Variants in TMPRSS6 observed in about 807,000 individuals in gnomAD.
The protein encoded by TMPRSS6 is transmembrane protease serine 6.
TMPRSS6 carries 67 observed loss-of-function variants against 101.5 expected under a neutral mutation model. The ratio of observed to expected loss-of-function variants is 0.66; its 90% CI spans 0.54 to 0.81. The LOEUF (loss-of-function observed/expected upper bound fraction) is 0.81. Ranked by LOEUF, TMPRSS6 falls within the 30% of genes least tolerant of loss-of-function variation. TMPRSS6 has a pLI of 0.00. For missense variants in TMPRSS6, 1,034 were observed against 1,088.7 expected, an observed-to-expected ratio of 0.95 and a Z score of 0.71; for synonymous variants, 453 against 464.9, an observed-to-expected ratio of 0.97 and a Z score of 0.33.
intron 3 of TMPRSS6, among the ~76,000 whole-genome samples, chr22:37,098,055 C>T (rs113290088): frequency 0.029 from 3,997 of 140,240 alleles, 16 homozygotes; most frequent in African/African-American, 0.073. Context: ...CGTCCTGTAA[C>T]GGAGGGGGAG....
chr22:37,078,633 C>T (rs17812082), intron 10 of TMPRSS6, among the ~76,000 whole-genome samples: 2,164 of 151,786 alleles, frequency 0.014, 24 homozygotes, highest in Middle Eastern at 0.031. Flanking sequence ...TTCATTGAGT[C>T]GCGAGCTAAT....
Position 37,103,262 on chromosome 22 carries a change from G to A in TMPRSS6, c.156C>T (p.Ala52=). 6.2e-7 allele frequency: 1 copy of A among 1,614,108 alleles called. No homozygotes were observed. Among genetic ancestry groups the A allele is most frequent in the Non-Finnish European group, 8.5e-7 (1 of 1,179,972 alleles). The change falls in exon 2 of 18, where the codon GCC becomes GCT. Residue 52 remains alanine, a synonymous_variant. Transcript: ENST00000676104. The surrounding 1 kb of genome is among the most constrained non-coding windows in gnomAD (Gnocchi z 4.4). ...CCCCCGCCGAAGCCAGCACGAGCAG[G>A]GCCAGCAGCACAAACAGGGGCACCA... ...LRLVPLFVLL[A]LLVLASAGVL... is the part of the protein sequence containing the mutation.
At chr22:37,099,241 G>A (rs1004566931) in intron 2 of TMPRSS6, among the ~76,000 whole-genome samples, 50 of 152,216 alleles carry the variant, frequency 3.3e-4, no homozygotes, top group African/African-American at 1.2e-3. Context: ...TCCAGCAGAG[G>A]GAGCAGCATG....
In TMPRSS6 at chr22:37,086,375, G is replaced by A. The variant is rs772270379; in HGVS notation, c.881C>T (p.Ala294Val). 8 of 1,610,146 alleles carry A rather than the reference G, an allele frequency of 5.0e-6. No individual in the cohort carries two copies. The highest frequency in any genetic ancestry group is 2.7e-5 in the African/African-American group (2 of 74,794). ...SRQEPVVEVL[A>V]SGAIMAVVWK... ...GACGACCGCCATGATGGCCCCCGAC[G>A]CCAGAACCTCCACCACGGGCTCCTG... Residue 294 changes from alanine to valine, a missense_variant, in exon 8 of 18, where the codon GCG (alanine) becomes GTG (valine). Ala to Val is a moderately conservative substitution (Grantham distance 64). Transcript: ENST00000676104.
chr22:37,076,062 A>AAAAAG (rs565956396), intron 10 of TMPRSS6, among the ~76,000 whole-genome samples: 2 of 152,094 alleles, frequency 1.3e-5, no homozygotes, highest in African/African-American at 4.8e-5. Context: ...GAGGGAAAGA[A>AAAAAG]AAAAGAAAAG....
At chr22:37,071,512 C>G (rs577822321) in intron 13 of TMPRSS6, among the ~76,000 whole-genome samples, 28 of 152,354 alleles carry the variant, frequency 1.8e-4, no homozygotes, top group African/African-American at 6.7e-4. Context: ...GGGCCAAACA[C>G]CTACCTCCTC....
chr22:37,071,968 T>TGATG (rs533682418), intron 13 of TMPRSS6, among the ~76,000 whole-genome samples: 39 of 145,232 alleles, frequency 2.7e-4, no homozygotes, highest in South Asian at 8.7e-4. Flanking sequence ...GATGGATGGA[T>TGATG]GATGGATGGA....
In TMPRSS6 at chr22:37,069,610, A is replaced by G. The variant is rs1389397095; in HGVS notation, c.1842-266T>C. 6.6e-6 allele frequency among the ~76,000 whole-genome samples: 1 copy of G among 152,192 alleles called. No individual in the cohort carries two copies. Among genetic ancestry groups the G allele is most frequent in the East Asian group, 1.9e-4 (1 of 5,196 alleles). On this transcript the variant is annotated intron_variant, in intron 15 of 17. Transcript: ENST00000676104. This position sits in a 1 kb window ranked among gnomAD's most constrained non-coding sequence, Gnocchi z 4.8. Reference sequence around the variant, plus strand: ...CTAAGCCTCTGCCACCTCATCTGCAAATGGGAATGGCATTTTCTACTCGAA... The same window carrying G: ...CTAAGCCTCTGCCACCTCATCTGCAGATGGGAATGGCATTTTCTACTCGAA...
chr22:37,103,460 T>G lies in TMPRSS6; in HGVS notation c.-1-42A>C. The G allele has an allele frequency of 8.1e-6, 13 of 1,614,204 alleles. No individual in the cohort carries two copies. Among genetic ancestry groups the G allele is most frequent in the Non-Finnish European group, 1.0e-5 (12 of 1,180,036 alleles). ...CCAAAGTTGGAAACAGCCTCGCATT[T>G]GCAAGGGAGCCTCTGCTGAGCACCG... On this transcript the variant is annotated intron_variant, in intron 1 of 17. Transcript: ENST00000676104. The surrounding 1 kb of genome is among the most constrained non-coding windows in gnomAD (Gnocchi z 4.4).
intron 13 of TMPRSS6, among the ~76,000 whole-genome samples, chr22:37,073,080 T>C (rs1056520178): frequency 2.3e-5 from 3 of 129,800 alleles, no homozygotes; most frequent in African/African-American, 9.0e-5. Context: ...GATGGATGGA[T>C]GGATAGACGG....
chr22:37,075,246 C>G lies in TMPRSS6; in HGVS notation c.1231G>C (p.Glu411Gln). Residue 411 changes from glutamate to glutamine, a missense_variant, in exon 11 of 18, where the codon GAG (glutamate) becomes CAG (glutamine). Glu to Gln is a conservative substitution (Grantham distance 29). Transcript: ENST00000676104. ...CGLRILQPYA[E>Q]RIPVVATAGI... The stretch of plus-strand genomic sequence containing the variant: ...GCCGTGGCCACCACGGGGATCCTCT[C>G]GGCGTAGGGCTGCAGGATGCGCAAG... The G allele has an allele frequency of 2.5e-6, 4 of 1,613,740 alleles. No individual in the cohort carries two copies. Among genetic ancestry groups the G allele is most frequent in the Non-Finnish European group, 3.4e-6 (4 of 1,180,034 alleles).
chr22:37,078,963 G>GA (rs1377929243), intron 10 of TMPRSS6, among the ~76,000 whole-genome samples: 1 of 92,402 alleles, frequency 1.1e-5, no homozygotes, highest in Non-Finnish European at 2.4e-5. Flanking sequence ...AAAAGAGAAA[G>GA]AAAGAAAGAA....
Position 37,084,251 on chromosome 22 carries a change from G to C in TMPRSS6, c.1196+44C>G, listed in dbSNP as rs140174851. The C allele has an allele frequency of 5.3e-3, 8,044 of 1,516,428 alleles. 32 individuals are homozygous for C. Among genetic ancestry groups the C allele is most frequent in the Non-Finnish European group, 5.4e-3 (5,963 of 1,100,182 alleles). 93.9% of individuals were successfully genotyped at this position (1,516,428 alleles called of 1,614,324 possible). ...ACTATTGAGGAGGGAAGAGAGGGAG[G>C]GGGAGGGAGGAAAGGAAGCCAGAGG... On this transcript the variant is annotated intron_variant, in intron 10 of 17. Coordinates refer to ENST00000676104, the MANE Select transcript of TMPRSS6 (RefSeq NM_001374504.1).
At chr22:37,087,313 C>A (rs1470733957) in intron 7 of TMPRSS6, among the ~76,000 whole-genome samples, 1 of 152,256 alleles carries the variant, frequency 6.6e-6, no homozygotes, top group Admixed American at 6.5e-5. Flanking sequence ...TCCCTGCCTG[C>A]AGACTGTGCG....
chr22:37,106,860 G>T (rs568984859), intron 1 of TMPRSS6, among the ~76,000 whole-genome samples: 1 of 152,306 alleles, frequency 6.6e-6, no homozygotes, highest in Non-Finnish European at 1.5e-5. Flanking sequence ...GGACTGTGGG[G>T]AACTCTTACC....
intron 3 of TMPRSS6, 131 bp downstream of exon 3, chr22:37,098,285 T>C (rs1021831888): frequency 2.9e-6 from 4 of 1,357,724 alleles, no homozygotes; most frequent in African/African-American, 2.9e-5. Flanking sequence ...GCTTCCATGG[T>C]GCCTGGAGCA....
rs139208111 is a variant in TMPRSS6 at position 37,077,683 on chromosome 22, C to A, written c.1197-2403G>T. ...ATGTAAAATGACAGCACTCTTGTCACTAAATGTTTTTACTTTTGGAGGATG... is the reference window on the plus strand; with the variant it reads ...ATGTAAAATGACAGCACTCTTGTCAATAAATGTTTTTACTTTTGGAGGATG... On this transcript the variant is annotated intron_variant, in intron 10 of 17. Transcript: ENST00000676104. Among the ~76,000 whole-genome samples, 235 of 152,266 alleles carry A rather than the reference C, an allele frequency of 1.5e-3. 1 individual carries two copies. The highest frequency in any genetic ancestry group is 6.8e-3 in the Middle Eastern group (2 of 294).
intron 1 of TMPRSS6, among the ~76,000 whole-genome samples, chr22:37,105,769 G>A (rs1015869525): frequency 2.0e-5 from 3 of 152,160 alleles, no homozygotes; most frequent in Non-Finnish European, 2.9e-5. Context: ...TCCTGGGTTC[G>A]AGTGATCCTC....
At position 37,078,967 on chromosome 22, in the gene TMPRSS6, G is replaced by GA. The variant is rs71324840; in HGVS notation, c.1197-3688dup. On this transcript the variant is annotated intron_variant, in intron 10 of 17. Transcript: ENST00000676104. ...GGAGAAGGAGAAAAAGAGAAAGAAA[G>GA]AAAGAAAAAGAAAGAAAGAAAGAAA... 1.4e-4 allele frequency among the ~76,000 whole-genome samples: 12 copies of GA among 83,936 alleles called. No individual in the cohort carries two copies. The East Asian group carries it at 3.8e-3, about 27-fold the overall frequency. The allele number at this position is 83,936 out of a possible 152,430, so 55.1% of individuals were successfully genotyped here.
Sources: allele counts gnomAD v4.1 joint callset (sites outside exome capture counted in the v4.1 genomes callset), GRCh38; gene constraint gnomAD v4.1.1; non-coding constraint Gnocchi (gnomAD v3.1); transcripts MANE v1.5; gene names NCBI Gene and HGNC (gene_info 2026-07-23, HGNC 2026-07-21).